NEU3: variants seen among roughly 807,000 people sequenced by gnomAD.
NEU3 encodes the protein neuraminidase 3.
A neutral mutation model predicts 11.4 loss-of-function variants in NEU3; 10 were observed. The ratio of observed to expected loss-of-function variants is 0.88; its 90% CI spans 0.54 to 1.49. The LOEUF (loss-of-function observed/expected upper bound fraction) is 1.49, where lower values mean the gene tolerates loss of function less well. NEU3 is among the 40% of genes most tolerant of loss of function. The pLI is 0.00. For missense variants in NEU3, 529 were observed against 581.8 expected (o/e 0.91, Z 0.93); for synonymous variants, 212 against 228.2 (o/e 0.93, Z 0.64).
rs1442294575 is a variant in NEU3 at position 75,007,949 on chromosome 11, A to T, written c.*1457A>T. On this transcript the variant is annotated 3_prime_UTR_variant, in exon 3 of 3. Transcript: ENST00000294064. ...TATAGCCTAGGAGACTAGGGGTTACAGTTGCACTAGTTGGGTAGAGAGAGT... is the reference window on the plus strand; with the variant it reads ...TATAGCCTAGGAGACTAGGGGTTACTGTTGCACTAGTTGGGTAGAGAGAGT... 1.3e-5 allele frequency: 2 copies of T among 152,250 alleles called. No homozygotes were observed. The highest frequency in any genetic ancestry group is 2.9e-5 in the Non-Finnish European group (2 of 68,028). 9.4% of individuals were successfully genotyped at this position (152,250 alleles called of 1,614,324 possible).
chr11:74,989,118 G>T lies in NEU3; in HGVS notation c.58G>T (p.Ala20Ser), dbSNP rs1948702364. ...PMEESPASSSAPTETEEPGSS... is the reference protein window; with the variant it reads ...PMEESPASSSSPTETEEPGSS... ...GGAAGAATCCCCGGCGTCCAGCTCT[G>T]CCCCGACAGAGACGGAGGAGCCGGG... The change falls in exon 1 of 3, where the codon GCC becomes TCC. Residue 20 changes from alanine to serine, a missense_variant. By Grantham distance (99) the Ala-to-Ser change is moderately conservative (BLOSUM62 1). Transcript: ENST00000294064. The T allele has an allele frequency of 1.3e-6, 2 of 1,551,206 alleles. No individual in the cohort carries two copies. The highest frequency in any genetic ancestry group is 1.7e-6 in the Non-Finnish European group (2 of 1,146,954).
At chr11:74,991,127 C>A (rs1948727660) in intron 1 of NEU3, among the ~76,000 whole-genome samples, 2 of 152,190 alleles carry the variant, frequency 1.3e-5, no homozygotes, top group African/African-American at 4.8e-5. Flanking sequence ...TGGTCCAAAT[C>A]CTATGTTCTT....
chr11:75,000,869 G>A (rs1489424278), intron 2 of NEU3, among the ~76,000 whole-genome samples: 1 of 151,548 alleles, frequency 6.6e-6, no homozygotes, highest in Non-Finnish European at 1.5e-5. Context: ...ATCTCTTGAT[G>A]GATACTTTGG....
rs1037640960 is a variant in NEU3 at position 75,005,495 on chromosome 11, G to A, written c.389G>A (p.Ser130Asn). 9.9e-6 allele frequency: 16 copies of A among 1,613,856 alleles called. No homozygotes were observed. Among genetic ancestry groups the A allele is most frequent in the Middle Eastern group, 1.6e-4 (1 of 6,084 alleles). ...MNPCPVWEQK[S>N]GCVFLFFICV... ...CCCTGTCCTGTATGGGAGCAGAAGA[G>A]TGGTTGTGTGTTCCTGTTCTTCATC... The change falls in exon 3 of 3, where the codon AGT (serine) becomes AAT (asparagine). Residue 130 changes from serine (S) to asparagine (N), a missense_variant. Physicochemically the swap from Ser to Asn is conservative, Grantham distance 46. Transcript: ENST00000294064.
intron 3 of NEU3, among the ~76,000 whole-genome samples, chr11:75,018,493 C>G (rs1007403013): frequency 6.6e-6 from 1 of 152,106 alleles, no homozygotes; most frequent in African/African-American, 2.4e-5. Flanking sequence ...ACTGGCCTAG[C>G]CTCCCAGCCT....
At chr11:75,004,158 T>G (rs1948874317) in intron 2 of NEU3, 1 of 517,720 alleles carries the variant, frequency 1.9e-6, no homozygotes, top group East Asian at 3.4e-5. Flanking sequence ...TACATACAGG[T>G]TGAACCATTT....
Position 74,993,133 on chromosome 11 carries a change from G to T in NEU3, c.95-1376G>T, listed in dbSNP as rs1266813387. Reference sequence around the variant, plus strand: ...AAACTTGGACTTTAATAGGCCTGTTGTTATACCAAATGAAGCTATAGGTCC... The same window carrying T: ...AAACTTGGACTTTAATAGGCCTGTTTTTATACCAAATGAAGCTATAGGTCC... On this transcript the variant is annotated intron_variant, in intron 1 of 2. Transcript: ENST00000294064. Among the ~76,000 whole-genome samples the T allele has an allele frequency of 2.0e-5, 3 of 152,190 alleles. No individual in the cohort carries two copies. The East Asian group carries it at 5.8e-4, about 29-fold the overall frequency.
chr11:74,993,070 C>T (rs972670934), intron 1 of NEU3, among the ~76,000 whole-genome samples: 1 of 152,192 alleles, frequency 6.6e-6, no homozygotes, highest in South Asian at 2.1e-4. Context: ...TGGTTAGCTC[C>T]TTAATCTGCC....
At chr11:75,013,241 G>A (rs2140258474), downstream of NEU3, among the ~76,000 whole-genome samples, 1 of 152,304 alleles carries the variant, frequency 6.6e-6, no homozygotes, top group Non-Finnish European at 1.5e-5. Context: ...CCCTTGCCCA[G>A]CCCCCTCACC....
At chr11:74,982,676 T>C in the NEU3 span, among the ~76,000 whole-genome samples, 1 of 152,018 alleles carries the variant, frequency 6.6e-6, no homozygotes, top group South Asian at 2.1e-4. Context: ...GACAGGGAAA[T>C]CTGCACATAG....
At chr11:75,019,612 G>T (rs1307422946), downstream of NEU3, among the ~76,000 whole-genome samples, 1 of 152,214 alleles carries the variant, frequency 6.6e-6, no homozygotes, top group Non-Finnish European at 1.5e-5. Flanking sequence ...CATATGTGAT[G>T]GTTCCTGCCC....
At chr11:74,994,963 CTG>C (rs1948774254) in intron 2 of NEU3, 1 of 639,896 alleles carries the variant, frequency 1.6e-6, no homozygotes, top group Non-Finnish European at 2.8e-6. Flanking sequence ...GACAAGGAAA[CTG>C]AGACTCAGAG....
chr11:75,013,133 G>A (rs1014873271), downstream of NEU3, among the ~76,000 whole-genome samples: 2 of 152,222 alleles, frequency 1.3e-5, no homozygotes, highest in Non-Finnish European at 2.9e-5. Flanking sequence ...GGAGTTCAAG[G>A]TCCTTGTCCT....
intron 2 of NEU3, among the ~76,000 whole-genome samples, chr11:75,002,986 T>C (rs1475222202): frequency 6.6e-6 from 1 of 152,216 alleles, no homozygotes; most frequent in African/African-American, 2.4e-5. Context: ...CTTGGGTTAG[T>C]TATTATAAGT....
chr11:75,018,326 A>G (rs1389067187), intron 3 of NEU3, among the ~76,000 whole-genome samples: 1 of 151,980 alleles, frequency 6.6e-6, no homozygotes, highest in Non-Finnish European at 1.5e-5. Context: ...CAAAGTATTG[A>G]TCCTGGGTGT....
In NEU3 at chr11:75,006,086, G is replaced by C. The variant is rs748727030; in HGVS notation, c.980G>C (p.Arg327Thr). The change falls in exon 3 of 3, where the codon AGG becomes ACG. Residue 327 changes from arginine to threonine, a missense_variant. Physicochemically the swap from Arg to Thr is moderately conservative, Grantham distance 71. Coordinates refer to ENST00000294064, the MANE Select transcript of NEU3 (RefSeq NM_006656.6). ...VSFRPLEIPH[R>T]CQDSSSKDAP... ...TTCCGGCCCCTGGAGATCCCACATA[G>C]GTGCCAGGACTCTAGCAGCAAAGAT... 5.6e-6 allele frequency: 9 copies of C among 1,613,986 alleles called. No individual in the cohort carries two copies. The South Asian group carries it at 9.9e-5, about 18-fold the overall frequency.
At position 75,008,743 on chromosome 11, in the gene NEU3, A is replaced by G. The variant is rs2069985265; in HGVS notation, c.*2251A>G. On this transcript the variant is annotated 3_prime_UTR_variant, in exon 3 of 3. Transcript: ENST00000294064. ...CTAATTTTTTGTATTTTTAGTAGAG[A>G]CGGGGTTTCACCATGTTGGCCAGGC... 6.6e-6 allele frequency: 1 copy of G among 151,766 alleles called. No individual in the cohort carries two copies. The highest frequency in any genetic ancestry group is 1.5e-5 in the Non-Finnish European group (1 of 67,990). The allele number at this position is 151,766 out of a possible 1,614,324, so 9.4% of individuals were successfully genotyped here. A position where few individuals can be genotyped will look rare whatever the true frequency, so the allele number is the denominator to read the frequency against.
intron 2 of NEU3, among the ~76,000 whole-genome samples, chr11:75,000,046 A>G (rs1259675787): frequency 6.6e-6 from 1 of 151,958 alleles, no homozygotes; most frequent in Non-Finnish European, 1.5e-5. Context: ...TGAACTTGGG[A>G]CTCCAAGGGT....
At chr11:75,020,549 C>T (rs1565501358), downstream of NEU3, among the ~76,000 whole-genome samples, 6 of 152,216 alleles carry the variant, frequency 3.9e-5, no homozygotes, top group African/African-American at 1.4e-4. Flanking sequence ...TTCCCCTTCA[C>T]AAGCCCTCTC....
Sources: allele counts gnomAD v4.1 joint callset (sites outside exome capture counted in the v4.1 genomes callset), GRCh38; gene constraint gnomAD v4.1.1; transcripts MANE v1.5; gene names NCBI Gene and HGNC (gene_info 2026-07-23, HGNC 2026-07-21).